PLEKHH2: variants seen among roughly 807,000 people sequenced by gnomAD.
PLEKHH2 encodes the protein pleckstrin homology domain-containing family H member 2.
PLEKHH2 carries 129 observed loss-of-function variants against 187.9 expected under a neutral mutation model. The observed-to-expected ratio is 0.69, with a 90% CI of 0.59 to 0.79. The LOEUF is 0.79. Among genes scored for constraint, PLEKHH2 ranks in the 30% least tolerant of loss-of-function variants. PLEKHH2 has a pLI of 0.00. For missense variants in PLEKHH2, 2,076 were observed against 1,751.2 expected (o/e 1.19, Z -3.31); for synonymous variants, 686 against 605.6 (o/e 1.13, Z -1.95).
chr2:43,697,410 T>C lies in PLEKHH2; in HGVS notation c.688+54T>C, dbSNP rs941556757. ...GGCATTTTTTAAAAAGGAAGACTCA[T>C]TTGCTAAGATTAATCCAAATATAGC... On this transcript the variant is annotated intron_variant, in intron 7 of 29. Transcript: ENST00000282406. The C allele has an allele frequency of 1.1e-5, 15 of 1,413,620 alleles. No individual in the cohort carries two copies. The African/African-American group carries it at 2.0e-4, about 19-fold the overall frequency. The allele number at this position is 1,413,620 out of a possible 1,614,324, so 87.6% of individuals were successfully genotyped here.
At position 43,675,626 on chromosome 2, in the gene PLEKHH2, T is replaced by C. The variant is rs748511322; in HGVS notation, c.124-3237T>C. 3.1e-6 allele frequency: 5 copies of C among 1,613,704 alleles called. No homozygotes were observed. In the Admixed American group the frequency reaches 5.0e-5, roughly 16 times the overall value. The stretch of plus-strand genomic sequence containing the variant: ...TCTCTTCCTTCATAATCCTCTGCAT[T>C]TTCTGCATGAACTCCTGCATATTTC... On this transcript the variant is annotated intron_variant, in intron 2 of 29. Coordinates refer to ENST00000282406, the MANE Select transcript of PLEKHH2 (RefSeq NM_172069.4).
At chr2:43,711,008 A>C in intron 14 of PLEKHH2, 2 of 996,936 alleles carry the variant, frequency 2.0e-6, no homozygotes, top group Non-Finnish European at 2.4e-6. Context: ...CCATAACACC[A>C]AAGTGGGAAA....
intron 23 of PLEKHH2, among the ~76,000 whole-genome samples, chr2:43,744,621 A>T (rs1456669764): frequency 6.6e-6 from 1 of 152,206 alleles, no homozygotes; most frequent in Admixed American, 6.5e-5. Flanking sequence ...TAATCCAAGC[A>T]CTTTGGGAGG....
rs1048853071 is a variant in PLEKHH2, at chr2:43,762,475, T to G, written c.4158+85T>G. On this transcript the variant is annotated intron_variant, in intron 28 of 29. Coordinates refer to ENST00000282406, the MANE Select transcript of PLEKHH2 (RefSeq NM_172069.4). Reference sequence around the variant, plus strand: ...TAAACAGAAAGTAATGATATCTTAATCTGATTTTTCTCTTACCCAGGAAAC... The same window carrying G: ...TAAACAGAAAGTAATGATATCTTAAGCTGATTTTTCTCTTACCCAGGAAAC... 1.5e-5 allele frequency: 16 copies of G among 1,035,648 alleles called. No homozygotes were observed. In the Middle Eastern group the frequency reaches 6.2e-4, roughly 40 times the overall value. The allele number at this position is 1,035,648 out of a possible 1,614,324, so 64.2% of individuals were successfully genotyped here. A position where few individuals can be genotyped will look rare whatever the true frequency, so the allele number is the denominator to read the frequency against.
rs543345148 is a variant in PLEKHH2, at chr2:43,649,411, T to C, written c.123+4615T>C. Among the ~76,000 whole-genome samples, 133 of 152,364 alleles carry C rather than the reference T, an allele frequency of 8.7e-4. 1 individual carries two copies. The highest frequency in any genetic ancestry group is 3.1e-3 in the African/African-American group (130 of 41,594). On this transcript the variant is annotated intron_variant, in intron 2 of 29. Transcript: ENST00000282406. ...CCTTTGGACATCAGCATTGCTCGCA[T>C]AACCTCATGCTACCTCTACCTGATG...
At position 43,700,194 on chromosome 2, in the gene PLEKHH2, C is replaced by G. The variant is rs771379422; in HGVS notation, c.1236C>G (p.Thr412=). 3 of 1,614,058 alleles carry G rather than the reference C, an allele frequency of 1.9e-6. No individual in the cohort carries two copies. The highest frequency in any genetic ancestry group is 4.5e-5 in the East Asian group (2 of 44,870). Residue 412 remains threonine, a synonymous_variant, in exon 8 of 30, where the codon ACC becomes ACG. Transcript: ENST00000282406. The stretch of plus-strand genomic sequence containing the variant: ...CCAACACCCCAAGCCCTATTTTGAC[C>G]CCAGCTTTAATGCCAAAGCATCCTA... ...SEANTPSPIL[T]PALMPKHPNS...
chr2:43,736,396 T>A (rs1671295598), intron 19 of PLEKHH2, among the ~76,000 whole-genome samples: 1 of 152,142 alleles, frequency 6.6e-6, no homozygotes, highest in African/African-American at 2.4e-5. Context: ...AAAAAACTAA[T>A]GACATACGCC....
Position 43,694,469 on chromosome 2 carries a change from G to A in PLEKHH2, c.375G>A (p.Glu125=), listed in dbSNP as rs1668991034. ...TACAAGAAGCTAAAATAATAGAAGA[G>A]AAAGCAGCTAAGATAAAAGAATGGG... The part of the protein sequence containing the change: ...IRIQEAKIIE[E]KAAKIKEWVT... Residue 125 remains glutamate, a synonymous_variant, in exon 5 of 30, where the codon GAG becomes GAA. Coordinates refer to ENST00000282406, the MANE Select transcript of PLEKHH2 (RefSeq NM_172069.4). 6.4e-7 allele frequency: 1 copy of A among 1,561,596 alleles called. No homozygotes were observed. The highest frequency in any genetic ancestry group is 1.4e-5 in the African/African-American group (1 of 73,324).
intron 9 of PLEKHH2, among the ~76,000 whole-genome samples, chr2:43,704,517 G>T (rs1241984023): frequency 3.3e-5 from 5 of 151,922 alleles, no homozygotes; most frequent in Non-Finnish European, 5.9e-5. Flanking sequence ...AAAAAAATTA[G>T]CCGGGCGTGG....
intron 1 of PLEKHH2, among the ~76,000 whole-genome samples, chr2:43,638,485 A>G (rs1703223001): frequency 6.6e-6 from 1 of 152,194 alleles, no homozygotes; most frequent in Non-Finnish European, 1.5e-5. Context: ...TCACTCCACA[A>G]TTGTAAACAG....
chr2:43,740,899 T>G, intron 20 of PLEKHH2, 47 bp from the exon 21 acceptor site: 1 of 1,600,564 alleles, frequency 6.2e-7, no homozygotes. Context: ...GATGTGGATC[T>G]CTGACTGGCA....
At chr2:43,709,614 G>A (rs1333939562) in intron 11 of PLEKHH2, among the ~76,000 whole-genome samples, 1 of 152,138 alleles carries the variant, frequency 6.6e-6, no homozygotes, top group Non-Finnish European at 1.5e-5. Context: ...AAGGCAGGCG[G>A]ATCACGAGGT....
chr2:43,754,842 GT>G (rs1390192905), intron 25 of PLEKHH2, among the ~76,000 whole-genome samples: 4 of 128,492 alleles, frequency 3.1e-5, no homozygotes, highest in Non-Finnish European at 6.7e-5. Flanking sequence ...TCAGTTCGTA[GT>G]TTTTTTATGG....
chr2:43,670,406 G>A (rs1282565947), intron 2 of PLEKHH2, among the ~76,000 whole-genome samples: 1 of 152,324 alleles, frequency 6.6e-6, no homozygotes, highest in East Asian at 1.9e-4. Flanking sequence ...GTCAACTAGA[G>A]TAGGGAGATT....
At chr2:43,727,597 C>T (rs971370416) in intron 17 of PLEKHH2, among the ~76,000 whole-genome samples, 3 of 152,094 alleles carry the variant, frequency 2.0e-5, no homozygotes, top group Non-Finnish European at 4.4e-5. Context: ...ATAAACAACT[C>T]TTTATAGATT....
intron 2 of PLEKHH2, among the ~76,000 whole-genome samples, chr2:43,674,107 A>G (rs570366288): frequency 7.2e-5 from 11 of 152,344 alleles, no homozygotes; most frequent in East Asian, 1.9e-4. Flanking sequence ...AATATCTACT[A>G]TGTAGAAAGA....
At chr2:43,727,244 C>G (rs1228439879) in intron 17 of PLEKHH2, among the ~76,000 whole-genome samples, 1 of 151,894 alleles carries the variant, frequency 6.6e-6, no homozygotes, top group Non-Finnish European at 1.5e-5. Context: ...GAAACTCTGT[C>G]TCTACTAAAA....
At chr2:43,681,342 GGTCACCT>G (rs1668172728) in intron 3 of PLEKHH2, 5 of 1,143,194 alleles carry the variant, frequency 4.4e-6, no homozygotes, top group Non-Finnish European at 6.3e-6. Context: ...GCTCCATTGG[GGTCACCT>G]GTCATCAGAA....
At chr2:43,669,394 G>A (rs1393636573) in intron 2 of PLEKHH2, among the ~76,000 whole-genome samples, 1 of 152,126 alleles carries the variant, frequency 6.6e-6, no homozygotes, top group African/African-American at 2.4e-5. Context: ...AGTGATGGTT[G>A]CACAACTCTT....
Sources: gnomAD v4.1 joint callset for allele counts (sites outside exome capture counted in the v4.1 genomes callset) on GRCh38, gnomAD v4.1.1 for gene constraint, MANE v1.5 for transcripts, NCBI Gene and HGNC (gene_info 2026-07-23, HGNC 2026-07-21) for gene names.